The following SORCS1 variants were observed in gnomAD, a reference collection of about 807,000 sequenced individuals.
SORCS1 encodes sortilin related VPS10 domain containing receptor 1.
SORCS1 carries 60 observed loss-of-function variants against 146.1 expected under a neutral mutation model. The ratio of observed to expected loss-of-function variants is 0.41; its 90% CI spans 0.33 to 0.51. The LOEUF (loss-of-function observed/expected upper bound fraction) is 0.51, where lower values mean the gene tolerates loss of function less well. Among genes scored for constraint, SORCS1 ranks in the 20% least tolerant of loss-of-function variants. The probability of loss-of-function intolerance (pLI) is 0.21; values close to 1 mark genes in which losing one functional copy is unlikely to be tolerated. For missense variants in SORCS1, 1,352 were observed against 1,487.6 expected (o/e 0.91, Z 1.50); for synonymous variants, 637 against 584.0 (o/e 1.09, Z -1.31).
At chr10:106,703,548 T>C (rs975513276) in intron 8 of SORCS1, among the ~76,000 whole-genome samples, 1 of 152,220 alleles carries the variant, frequency 6.6e-6, no homozygotes, top group African/African-American at 2.4e-5. Context: ...TATTAAAATC[T>C]CCCTACCCAC....
chr10:106,723,395 G>GCACACACA (rs34071599), intron 6 of SORCS1, among the ~76,000 whole-genome samples: 1,649 of 149,260 alleles, frequency 0.011, 14 homozygotes, highest in Non-Finnish European at 0.015. Flanking sequence ...CTCCTACGAT[G>GCACACACA]CACACACACA....
At chr10:106,800,673 C>T (rs548928279) in intron 3 of SORCS1, among the ~76,000 whole-genome samples, 8 of 152,022 alleles carry the variant, frequency 5.3e-5, no homozygotes, top group East Asian at 1.9e-4. Flanking sequence ...AGGCGCACAC[C>T]GCCACACCCA....
intron 2 of SORCS1, among the ~76,000 whole-genome samples, chr10:106,932,015 C>T (rs1953446848): frequency 6.6e-6 from 1 of 152,056 alleles, no homozygotes; most frequent in African/African-American, 2.4e-5. Flanking sequence ...TTGAATGCTT[C>T]CAGGAAGCTT....
chr10:106,887,466 C>A (rs534376570), intron 2 of SORCS1, among the ~76,000 whole-genome samples: 2 of 152,134 alleles, frequency 1.3e-5, no homozygotes, highest in South Asian at 2.1e-4. Flanking sequence ...TCAAATATAA[C>A]CTCAGGAGGC....
At chr10:106,896,473 C>T (rs1951483144) in intron 2 of SORCS1, among the ~76,000 whole-genome samples, 1 of 150,404 alleles carries the variant, frequency 6.6e-6, no homozygotes. Context: ...ATAGTGGCTC[C>T]TAGGGATTAG....
chr10:106,863,967 G>A (rs1329743152), intron 2 of SORCS1, among the ~76,000 whole-genome samples: 1 of 152,136 alleles, frequency 6.6e-6, no homozygotes, highest in Admixed American at 6.5e-5. Flanking sequence ...TCTTTCTGTG[G>A]CAAAGGCTAG....
At chr10:107,029,734 A>C (rs563451619) in intron 1 of SORCS1, among the ~76,000 whole-genome samples, 1 of 152,366 alleles carries the variant, frequency 6.6e-6, no homozygotes, top group East Asian at 1.9e-4. Flanking sequence ...GACACAAACC[A>C]AATACACCCA....
At chr10:107,139,663 C>T (rs1253318378) in intron 1 of SORCS1, among the ~76,000 whole-genome samples, 1 of 152,212 alleles carries the variant, frequency 6.6e-6, no homozygotes, top group African/African-American at 2.4e-5. Flanking sequence ...CACCAAATGG[C>T]TGCTATGATG....
At chr10:106,950,150 C>T (rs1417366436) in intron 2 of SORCS1, among the ~76,000 whole-genome samples, 1 of 152,184 alleles carries the variant, frequency 6.6e-6, no homozygotes. Flanking sequence ...CCCCTTTCCT[C>T]TCATTTTGAC....
intron 17 of SORCS1, among the ~76,000 whole-genome samples, chr10:106,654,573 G>A (rs2135290136): frequency 6.6e-6 from 1 of 152,296 alleles, no homozygotes; most frequent in East Asian, 1.9e-4. Context: ...TTCAAAGCTG[G>A]TAATCAGGAG....
intron 1 of SORCS1, among the ~76,000 whole-genome samples, chr10:107,054,839 T>A (rs1029371419): frequency 6.6e-6 from 1 of 152,216 alleles, no homozygotes; most frequent in African/African-American, 2.4e-5. Flanking sequence ...TTGCTGCATC[T>A]GTATAATGCA....
At chr10:106,857,786 TACAGTC>T (rs528570221) in intron 2 of SORCS1, among the ~76,000 whole-genome samples, 79 of 152,372 alleles carry the variant, frequency 5.2e-4, no homozygotes, top group Admixed American at 1.9e-3. Context: ...ACATTTTAAA[TACAGTC>T]ACTGGATTCC....
chr10:106,739,856 G>A (rs1350562607), intron 5 of SORCS1, among the ~76,000 whole-genome samples: 1 of 151,360 alleles, frequency 6.6e-6, no homozygotes, highest in Non-Finnish European at 1.5e-5. Flanking sequence ...GGAGGCTGAG[G>A]CAGGACAATG....
chr10:106,928,309 C>G (rs370558486), intron 2 of SORCS1, among the ~76,000 whole-genome samples: 1 of 152,186 alleles, frequency 6.6e-6, no homozygotes, highest in Non-Finnish European at 1.5e-5. Flanking sequence ...CCGGCACTGC[C>G]GAGGGACCCA....
At chr10:106,647,852 T>A (rs1367142021) in intron 18 of SORCS1, among the ~76,000 whole-genome samples, 1 of 152,162 alleles carries the variant, frequency 6.6e-6, no homozygotes, top group Non-Finnish European at 1.5e-5. Context: ...TGAGTATATA[T>A]CTACCGTTTT....
chr10:107,027,126 G>T (rs1417361180), intron 1 of SORCS1, among the ~76,000 whole-genome samples: 2 of 150,052 alleles, frequency 1.3e-5, no homozygotes, highest in Non-Finnish European at 3.0e-5. Context: ...GAATGGTCCT[G>T]TAACTTCTCT....
At chr10:106,836,328 G>T (rs1469220537) in intron 2 of SORCS1, among the ~76,000 whole-genome samples, 1 of 151,938 alleles carries the variant, frequency 6.6e-6, no homozygotes, top group African/African-American at 2.4e-5. Flanking sequence ...CAAAAAATTA[G>T]CCGGGCATGG....
At chr10:106,989,993 G>T (rs935348154) in intron 1 of SORCS1, among the ~76,000 whole-genome samples, 1 of 151,430 alleles carries the variant, frequency 6.6e-6, no homozygotes, top group African/African-American at 2.4e-5. Flanking sequence ...GCCTACCCAT[G>T]TTTTCTTAAT....
intron 3 of SORCS1, among the ~76,000 whole-genome samples, chr10:106,795,281 G>GA (rs1946502219): frequency 6.6e-6 from 1 of 150,834 alleles, no homozygotes; most frequent in African/African-American, 2.4e-5. Context: ...TAATCTAGTT[G>GA]TTTTTTTTTG....
Sources: gnomAD v4.1 joint callset for allele counts (sites outside exome capture counted in the v4.1 genomes callset) on GRCh38, gnomAD v4.1.1 for gene constraint, MANE v1.5 for transcripts, NCBI Gene and HGNC (gene_info 2026-07-23, HGNC 2026-07-21) for gene names.